The following ZC3H12B variants were observed in gnomAD, a reference collection of about 807,000 sequenced individuals.
ZC3H12B encodes zinc finger CCCH-type containing 12B.
Under a neutral mutation model 43.9 loss-of-function variants are expected in ZC3H12B, and 7 were observed. The observed-to-expected ratio is 0.16, with a 90% CI of 0.09 to 0.30. ZC3H12B has a LOEUF of 0.30. ZC3H12B is among the 10% of genes least tolerant of loss of function. The pLI, the probability that ZC3H12B is intolerant of heterozygous loss-of-function variation, is 1.00. For synonymous variants in ZC3H12B, 222 were observed against 241.7 expected (o/e 0.92, Z 0.76); for missense variants, 475 against 670.2 (o/e 0.71, Z 3.22).
At chrX:65,489,259 A>G in exon 1 of ZC3H12B, 1 of 1,211,729 alleles carries the variant, frequency 8.3e-7, no homozygotes, top group Non-Finnish European at 1.1e-6. Context: ...AACAAAGGTG[A>G]TTCAGAAGGG....
chrX:65,168,212 C>T, the ZC3H12B span, among the ~76,000 whole-genome samples: 46 of 111,839 alleles, frequency 4.1e-4, 1 homozygote, highest in African/African-American at 1.4e-3. Context: ...TACGTCCCAT[C>T]CATATCAAAT....
the ZC3H12B span, among the ~76,000 whole-genome samples, chrX:65,212,428 T>G: frequency 1.9e-5 from 1 of 52,136 alleles, no homozygotes; most frequent in Non-Finnish European, 2.6e-5. Context: ...TGTAATATAA[T>G]TATTATATAT....
chrX:65,352,329 C>T, the ZC3H12B span, among the ~76,000 whole-genome samples: 1 of 110,883 alleles, frequency 9.0e-6, no homozygotes, highest in Non-Finnish European at 1.9e-5. Flanking sequence ...GGGTGGGAGG[C>T]TAGGGGAAGG....
the ZC3H12B span, among the ~76,000 whole-genome samples, chrX:65,249,721 T>A: frequency 9.0e-6 from 1 of 110,996 alleles, no homozygotes; most frequent in Admixed American, 9.6e-5. Context: ...GTGTTGTCTA[T>A]GATTTCTTTC....
At chrX:65,328,995 G>C in the ZC3H12B span, among the ~76,000 whole-genome samples, 1 of 110,170 alleles carries the variant, frequency 9.1e-6, no homozygotes, top group Non-Finnish European at 1.9e-5. Flanking sequence ...TGTGAATAGT[G>C]CTGCAATAAA....
intron 2 of ZC3H12B, among the ~76,000 whole-genome samples, chrX:65,378,826 T>A (rs781203279): frequency 8.9e-6 from 1 of 112,674 alleles, no homozygotes; most frequent in East Asian, 2.8e-4. Context: ...TTCCCTTTCC[T>A]AGTCAAAGAA....
chrX:65,350,483 C>A, the ZC3H12B span, among the ~76,000 whole-genome samples: 1 of 111,419 alleles, frequency 9.0e-6, no homozygotes, highest in South Asian at 3.8e-4. Context: ...CCAGGGCAAT[C>A]AGGCAAGAGA....
the ZC3H12B span, among the ~76,000 whole-genome samples, chrX:65,148,165 G>A: frequency 9.0e-6 from 1 of 111,440 alleles, no homozygotes; most frequent in Non-Finnish European, 1.9e-5. Flanking sequence ...TGCCAGCCTG[G>A]TTCCTGAGGC....
chrX:65,285,353 G>A, the ZC3H12B span, among the ~76,000 whole-genome samples: 1 of 110,314 alleles, frequency 9.1e-6, no homozygotes, highest in Non-Finnish European at 1.9e-5. Context: ...TCAGATACGG[G>A]AGCCTCAGGG....
intron 3 of ZC3H12B, among the ~76,000 whole-genome samples, chrX:65,450,951 G>A (rs937515639): frequency 1.0e-5 from 1 of 99,472 alleles, no homozygotes; most frequent in Non-Finnish European, 2.0e-5. Flanking sequence ...ACATATATAT[G>A]TGAAAAGCAA....
At chrX:65,278,299 C>G in the ZC3H12B span, among the ~76,000 whole-genome samples, 1 of 111,395 alleles carries the variant, frequency 9.0e-6, no homozygotes, top group Non-Finnish European at 1.9e-5. Flanking sequence ...ACCTGTGCCA[C>G]GACAGTTTAC....
the ZC3H12B span, among the ~76,000 whole-genome samples, chrX:65,305,015 A>G: frequency 8.9e-6 from 1 of 112,146 alleles, no homozygotes; most frequent in Non-Finnish European, 1.9e-5. Flanking sequence ...TATTTTATCA[A>G]TGAAGATATG....
the ZC3H12B span, among the ~76,000 whole-genome samples, chrX:65,178,968 T>C: frequency 8.0e-5 from 9 of 112,283 alleles, no homozygotes; most frequent in African/African-American, 2.9e-4. Flanking sequence ...TGTACGTTTA[T>C]TGCAGCACTA....
chrX:65,452,712 G>A (rs922409945), intron 3 of ZC3H12B, among the ~76,000 whole-genome samples: 4 of 110,643 alleles, frequency 3.6e-5, no homozygotes. Context: ...GTAGTGGTAG[G>A]TGCCTGTAAT....
chrX:65,060,899 A>G, the ZC3H12B span, among the ~76,000 whole-genome samples: 1 of 111,411 alleles, frequency 9.0e-6, no homozygotes, highest in East Asian at 2.8e-4. Context: ...GGTCCCAGGA[A>G]TTTCTTTACT....
chrX:65,104,610 C>T, the ZC3H12B span, among the ~76,000 whole-genome samples: 1 of 111,981 alleles, frequency 8.9e-6, no homozygotes, highest in African/African-American at 3.2e-5. Flanking sequence ...TGAGCAAACA[C>T]TTCTCAAAAG....
intron 2 of ZC3H12B, among the ~76,000 whole-genome samples, chrX:65,390,025 G>C (rs772741036): frequency 8.9e-6 from 1 of 112,202 alleles, no homozygotes; most frequent in African/African-American, 3.2e-5. Flanking sequence ...ATTAATGATA[G>C]ACTGGGTTAA....
chrX:65,407,851 G>A (rs1210638301), intron 3 of ZC3H12B, among the ~76,000 whole-genome samples: 1 of 113,372 alleles, frequency 8.8e-6, no homozygotes, highest in Non-Finnish European at 1.9e-5. Flanking sequence ...GGCCTGGGGC[G>A]CCCACTAATG....
chrX:65,071,110 A>T, the ZC3H12B span, among the ~76,000 whole-genome samples: 1 of 109,319 alleles, frequency 9.1e-6, no homozygotes, highest in African/African-American at 3.3e-5. Context: ...GTCTCAAGGA[A>T]CTTATTTTAT....
Sources: gnomAD v4.1 joint callset for allele counts (sites outside exome capture counted in the v4.1 genomes callset) on GRCh38, gnomAD v4.1.1 for gene constraint, MANE v1.5 for transcripts, NCBI Gene and HGNC (gene_info 2026-07-23, HGNC 2026-07-21) for gene names.